Variants in KCNH5 observed in about 807,000 individuals in gnomAD.
KCNH5 encodes the protein potassium voltage-gated channel subfamily H member 5, also known as voltage-gated delayed rectifier potassium channel KCNH5.
A neutral mutation model predicts 96.1 loss-of-function variants in KCNH5; 46 were observed. The ratio of observed to expected loss-of-function variants is 0.48; its 90% CI spans 0.38 to 0.61. KCNH5 has a LOEUF of 0.61. KCNH5 is among the 20% of genes least tolerant of loss of function. The pLI is 0.00. For synonymous variants in KCNH5, 439 were observed against 449.8 expected, an observed-to-expected ratio of 0.98 and a Z score of 0.30; for missense variants, 907 against 1,225.8, an observed-to-expected ratio of 0.74 and a Z score of 3.88.
intron 7 of KCNH5, among the ~76,000 whole-genome samples, chr14:62,899,966 A>G (rs1242897016): frequency 6.6e-6 from 1 of 152,234 alleles, no homozygotes; most frequent in African/African-American, 2.4e-5. Flanking sequence ...CTTGTAATCA[A>G]CAACGACTTC....
At chr14:63,014,915 G>A (rs1001468274) in intron 2 of KCNH5, among the ~76,000 whole-genome samples, 1 of 152,054 alleles carries the variant, frequency 6.6e-6, no homozygotes, top group African/African-American at 2.4e-5. Context: ...TGTTCCACAG[G>A]ATAACGTCTA....
intron 1 of KCNH5, among the ~76,000 whole-genome samples, chr14:63,042,654 G>A (rs891406494): frequency 5.3e-5 from 8 of 152,126 alleles, no homozygotes; most frequent in Non-Finnish European, 1.2e-4. Context: ...ATCCATCTGT[G>A]AGAATCCTGA....
At position 63,040,178 on chromosome 14, in the gene KCNH5, A is replaced by T. The variant is rs540012704; in HGVS notation, c.73+4936T>A. Among the ~76,000 whole-genome samples, 40 of 152,214 alleles carry T rather than the reference A, an allele frequency of 2.6e-4. 1 individual carries two copies. The South Asian group carries it at 4.1e-3, about 16-fold the overall frequency. The stretch of plus-strand genomic sequence containing the variant: ...AGTCGCTATCAATTAAAATAATCAT[A>T]ACTACGCCCTTCTATTAAAAATAAT... On this transcript the variant is annotated intron_variant, in intron 1 of 10. Transcript: ENST00000322893.
At chr14:62,975,563 G>A (rs1238118030) in intron 6 of KCNH5, among the ~76,000 whole-genome samples, 1 of 151,842 alleles carries the variant, frequency 6.6e-6, no homozygotes, top group Admixed American at 6.6e-5. Context: ...AGATGAAGGG[G>A]AACAGAAGTC....
chr14:62,849,124 T>A (rs187279597), intron 8 of KCNH5, among the ~76,000 whole-genome samples: 49 of 152,292 alleles, frequency 3.2e-4, no homozygotes, highest in Admixed American at 6.5e-4. Flanking sequence ...GAGGGAGATA[T>A]CTATTTTATA....
chr14:62,930,511 C>T (rs1219142022), intron 7 of KCNH5, among the ~76,000 whole-genome samples: 1 of 152,122 alleles, frequency 6.6e-6, no homozygotes. Context: ...ACAAGCATCC[C>T]AGTGATTTAA....
intron 10 of KCNH5, among the ~76,000 whole-genome samples, chr14:62,747,703 A>G (rs995689236): frequency 2.0e-5 from 3 of 152,216 alleles, no homozygotes; most frequent in African/African-American, 7.2e-5. Flanking sequence ...CAATTCATGA[A>G]CTAAAAGTGC....
At chr14:62,899,127 A>C (rs117001734) in intron 7 of KCNH5, among the ~76,000 whole-genome samples, 3,708 of 152,300 alleles carry the variant, frequency 0.024, 71 homozygotes, top group East Asian at 0.083. Flanking sequence ...AAATTTCATT[A>C]TTCTAAAGCA....
intron 10 of KCNH5, among the ~76,000 whole-genome samples, chr14:62,728,562 A>G (rs997385328): frequency 1.3e-5 from 2 of 152,190 alleles, no homozygotes; most frequent in African/African-American, 4.8e-5. Context: ...TATTTTTATT[A>G]GTTTATAATT....
At chr14:62,755,677 T>A (rs1004682211) in intron 10 of KCNH5, among the ~76,000 whole-genome samples, 2 of 152,134 alleles carry the variant, frequency 1.3e-5, no homozygotes, top group African/African-American at 2.4e-5. Flanking sequence ...CAGGACAGTA[T>A]CTCTGATGAA....
At chr14:62,726,694 G>A (rs1432520433) in intron 10 of KCNH5, among the ~76,000 whole-genome samples, 1 of 152,086 alleles carries the variant, frequency 6.6e-6, no homozygotes, top group Non-Finnish European at 1.5e-5. Flanking sequence ...ACTGCTTGAT[G>A]AGTATCTACT....
intron 2 of KCNH5, among the ~76,000 whole-genome samples, chr14:63,010,614 T>G (rs1478105337): frequency 6.6e-6 from 1 of 152,178 alleles, no homozygotes; most frequent in Non-Finnish European, 1.5e-5. Flanking sequence ...ATAAGTTGTC[T>G]TCAGGCCTGG....
chr14:62,935,590 C>T (rs937448306), intron 7 of KCNH5, among the ~76,000 whole-genome samples: 10 of 152,144 alleles, frequency 6.6e-5, no homozygotes, highest in African/African-American at 1.2e-4. Flanking sequence ...TCTCTTCTTC[C>T]TCTTGGCATC....
intron 7 of KCNH5, among the ~76,000 whole-genome samples, chr14:62,854,515 T>C (rs939230808): frequency 5.3e-5 from 8 of 152,182 alleles, no homozygotes; most frequent in African/African-American, 1.9e-4. Flanking sequence ...GAAGTTCCAT[T>C]GTCATTCATT....
chr14:62,779,433 T>G (rs1285106052), intron 10 of KCNH5, among the ~76,000 whole-genome samples: 1 of 152,210 alleles, frequency 6.6e-6, no homozygotes, highest in Admixed American at 6.5e-5. Context: ...ATGGCAGTAT[T>G]ATAAACTCCA....
intron 10 of KCNH5, among the ~76,000 whole-genome samples, chr14:62,727,140 G>A (rs978048647): frequency 1.3e-5 from 2 of 152,114 alleles, no homozygotes; most frequent in African/African-American, 4.8e-5. Context: ...TGAGGTGGGT[G>A]GATCACTTGA....
At chr14:62,985,563 T>C (rs975921555) in intron 5 of KCNH5, among the ~76,000 whole-genome samples, 9 of 152,228 alleles carry the variant, frequency 5.9e-5, no homozygotes, top group African/African-American at 1.4e-4. Flanking sequence ...CAGCATAGTT[T>C]TGGTAGCTTA....
intron 10 of KCNH5, among the ~76,000 whole-genome samples, chr14:62,738,992 G>A (rs1222610382): frequency 6.6e-6 from 1 of 152,140 alleles, no homozygotes; most frequent in East Asian, 1.9e-4. Context: ...GGGGGAGGAT[G>A]TAAGGGCATT....
At chr14:62,778,680 G>A (rs1182631705) in intron 10 of KCNH5, among the ~76,000 whole-genome samples, 1 of 152,184 alleles carries the variant, frequency 6.6e-6, no homozygotes, top group African/African-American at 2.4e-5. Flanking sequence ...GCTTAAGTCT[G>A]TGTGTTCTCT....
Sources: allele counts gnomAD v4.1 joint callset (sites outside exome capture counted in the v4.1 genomes callset), GRCh38; gene constraint gnomAD v4.1.1; transcripts MANE v1.5; gene names NCBI Gene and HGNC (gene_info 2026-07-23, HGNC 2026-07-21).